Variants in SAMMSON observed in about 807,000 individuals in gnomAD.
SAMMSON encodes the protein survival associated mitochondrial melanoma specific oncogenic non-coding RNA, also known as long intergenic non-protein coding RNA 1212.
intron 9 of SAMMSON, among the ~76,000 whole-genome samples, chr3:70,372,905 G>T (rs1702982685): frequency 6.6e-6 from 1 of 151,984 alleles, no homozygotes; most frequent in African/African-American, 2.4e-5. Context: ...TGAAATTTAG[G>T]TACCTTACCT....
At chr3:70,419,280 G>A (rs1701292409) in intron 2 of SAMMSON, among the ~76,000 whole-genome samples, 1 of 151,824 alleles carries the variant, frequency 6.6e-6, no homozygotes, top group African/African-American at 2.4e-5. Context: ...CGATCCACCC[G>A]CCTCAGCCTG....
At chr3:70,363,760 T>G in intron 9 of SAMMSON, among the ~76,000 whole-genome samples, 1 of 151,626 alleles carries the variant, frequency 6.6e-6, no homozygotes, top group East Asian at 1.9e-4. Context: ...TGATTTATCT[T>G]TTTTTAAAGC....
chr3:70,346,983 G>C (rs1195623489), intron 7 of SAMMSON, among the ~76,000 whole-genome samples: 1 of 152,138 alleles, frequency 6.6e-6, no homozygotes, highest in Non-Finnish European at 1.5e-5. Context: ...GACATGCGCT[G>C]ATTACCCACT....
At chr3:70,264,004 G>A (rs911723491) in intron 6 of SAMMSON, among the ~76,000 whole-genome samples, 1 of 152,140 alleles carries the variant, frequency 6.6e-6, no homozygotes, top group African/African-American at 2.4e-5. Context: ...TGTCATGACT[G>A]GAAGCAGTTA....
chr3:70,368,182 T>A (rs1702935992), intron 9 of SAMMSON, among the ~76,000 whole-genome samples: 1 of 151,536 alleles, frequency 6.6e-6, no homozygotes, highest in African/African-American at 2.4e-5. Context: ...TGAAAACTCA[T>A]CCTCAAATTC....
At chr3:70,009,223 C>T (rs1466317722) in intron 1 of SAMMSON, 3 of 152,106 alleles carry the variant, frequency 2.0e-5, no homozygotes, top group Admixed American at 2.0e-4. Flanking sequence ...GGTACCAGCT[C>T]CTCCTTGTAC....
chr3:70,182,342 T>C (rs1373884194), intron 4 of SAMMSON, among the ~76,000 whole-genome samples: 1 of 152,140 alleles, frequency 6.6e-6, no homozygotes, highest in East Asian at 1.9e-4. Flanking sequence ...TTTTACAGTC[T>C]TCGTGAGCCC....
At chr3:70,176,820 AT>A (rs960505089) in intron 4 of SAMMSON, among the ~76,000 whole-genome samples, 2 of 152,124 alleles carry the variant, frequency 1.3e-5, no homozygotes, top group Admixed American at 6.6e-5. Flanking sequence ...AAAGATGATC[AT>A]TTTTTTCTGA....
chr3:70,372,670 C>T (rs562024515), intron 9 of SAMMSON, among the ~76,000 whole-genome samples: 2 of 152,254 alleles, frequency 1.3e-5, no homozygotes, highest in South Asian at 4.1e-4. Context: ...ATACGTGTTC[C>T]AGAAATATTT....
At chr3:70,411,190 T>C (rs1353472556) in intron 2 of SAMMSON, among the ~76,000 whole-genome samples, 1 of 152,216 alleles carries the variant, frequency 6.6e-6, no homozygotes, top group African/African-American at 2.4e-5. Context: ...TTTGCCAAGT[T>C]ATCTTGACTA....
rs538133902 is a variant in SAMMSON, at chr3:70,249,039, G to A, written n.508-68G>A. ...ATATTATCGTAAGTTCACAGTGCTAGGAAATGAGGAAGTGGAGGTCCCTAC... is the reference window on the plus strand; with the variant it reads ...ATATTATCGTAAGTTCACAGTGCTAAGAAATGAGGAAGTGGAGGTCCCTAC... On this transcript the variant is annotated intron_variant and non_coding_transcript_variant, in intron 4 of 9. Coordinates refer to ENST00000642114, the Ensembl canonical transcript of SAMMSON. 8 of 152,244 alleles carry A rather than the reference G, an allele frequency of 5.3e-5. No individual in the cohort carries two copies. In the South Asian group the frequency reaches 1.7e-3, roughly 32 times the overall value. 9.4% of individuals were successfully genotyped at this position (152,244 alleles called of 1,614,324 possible). A position where few individuals can be genotyped will look rare whatever the true frequency, so the allele number is the denominator to read the frequency against.
intron 9 of SAMMSON, among the ~76,000 whole-genome samples, chr3:70,364,571 C>A (rs1215328753): frequency 6.6e-6 from 1 of 151,834 alleles, no homozygotes; most frequent in African/African-American, 2.4e-5. Flanking sequence ...AAGACATTCA[C>A]TAAGATTTGT....
chr3:70,247,447 A>T (rs1193418004), intron 4 of SAMMSON, among the ~76,000 whole-genome samples: 2 of 151,862 alleles, frequency 1.3e-5, no homozygotes, highest in East Asian at 1.9e-4. Context: ...TGAGCACTTC[A>T]TATGTATTCT....
intron 4 of SAMMSON, chr3:70,095,952 G>A (rs547170520): frequency 1.5e-4 from 23 of 152,220 alleles, no homozygotes; most frequent in African/African-American, 5.3e-4. Flanking sequence ...TCTAACACAT[G>A]TTTATTTTTC....
chr3:70,006,903 T>A (rs2066929592), intron 1 of SAMMSON, among the ~76,000 whole-genome samples: 1 of 149,534 alleles, frequency 6.7e-6, no homozygotes, highest in Admixed American at 6.7e-5. Flanking sequence ...TGGTGTTTGG[T>A]TTTTCGTCCT....
chr3:70,223,656 C>T (rs190869439), intron 4 of SAMMSON, among the ~76,000 whole-genome samples: 13 of 152,194 alleles, frequency 8.5e-5, no homozygotes, highest in Admixed American at 7.9e-4. Context: ...AGGTTCATTC[C>T]CAAGACTTAA....
Position 70,077,090 on chromosome 3 carries a change from G to A in SAMMSON, n.507+5525G>A, listed in dbSNP as rs575015138. Among the ~76,000 whole-genome samples the A allele has an allele frequency of 1.4e-4, 22 of 152,198 alleles. No individual in the cohort carries two copies. The East Asian group carries it at 3.9e-3, about 27-fold the overall frequency. The stretch of plus-strand genomic sequence containing the variant: ...ATTTCATTAACTCTGTGACTGGCTC[G>A]CCTTTGTGAAAAACAGTTAAAATTA... On this transcript the variant is annotated intron_variant and non_coding_transcript_variant, in intron 4 of 9. Transcript: ENST00000642114.
intron 4 of SAMMSON, among the ~76,000 whole-genome samples, chr3:70,227,697 A>G (rs773985950): frequency 2.6e-5 from 4 of 152,226 alleles, no homozygotes; most frequent in Non-Finnish European, 5.9e-5. Context: ...GATGCCAGAT[A>G]GTGTTCTGAG....
chr3:70,046,537 A>C (rs2067127677), intron 3 of SAMMSON, among the ~76,000 whole-genome samples: 1 of 152,260 alleles, frequency 6.6e-6, no homozygotes, highest in South Asian at 2.1e-4. Context: ...ATTTTTAGGC[A>C]TACAAATTAA....
Sources: gnomAD v4.1 joint callset for allele counts (sites outside exome capture counted in the v4.1 genomes callset) on GRCh38, gnomAD v4.1.1 for gene constraint, MANE v1.5 for transcripts, NCBI Gene and HGNC (gene_info 2026-07-23, HGNC 2026-07-21) for gene names.